KCMF1: variants seen among roughly 807,000 people sequenced by gnomAD.
KCMF1 encodes potassium channel modulatory factor 1, also known as E3 ubiquitin-protein ligase KCMF1.
A neutral mutation model predicts 41.1 loss-of-function variants in KCMF1; 3 were observed. The ratio of observed to expected loss-of-function variants is 0.07; its 90% confidence interval spans 0.03 to 0.19. KCMF1 has a LOEUF of 0.19. KCMF1 is among the 10% of genes least tolerant of loss of function. The pLI, the probability that KCMF1 is intolerant of heterozygous loss-of-function variation, is 1.00. For synonymous variants in KCMF1, 142 were observed against 164.5 expected (o/e 0.86, Z 1.04); for missense variants, 286 against 488.9 (o/e 0.58, Z 3.91).
intron 1 of KCMF1, among the ~76,000 whole-genome samples, chr2:84,994,343 A>G (rs1240915187): frequency 2.6e-5 from 4 of 152,184 alleles, no homozygotes; most frequent in South Asian, 2.1e-4. Flanking sequence ...GTGATGCACT[A>G]CACACACTTG....
intron 1 of KCMF1, among the ~76,000 whole-genome samples, chr2:85,015,621 G>C (rs2104010615): frequency 6.6e-6 from 1 of 152,210 alleles, no homozygotes; most frequent in African/African-American, 2.4e-5. Context: ...AAAACTTTTA[G>C]AAATGAATTA....
chr2:85,030,297 ACTTT>A (rs1430315609), intron 2 of KCMF1, among the ~76,000 whole-genome samples: 2 of 132,048 alleles, frequency 1.5e-5, no homozygotes, highest in East Asian at 4.4e-4. Flanking sequence ...TTGTGTTTTC[ACTTT>A]CTTGGTGGTG....
intron 1 of KCMF1, among the ~76,000 whole-genome samples, chr2:84,972,718 A>C (rs2103954582): frequency 6.6e-6 from 1 of 152,356 alleles, no homozygotes; most frequent in African/African-American, 2.4e-5. Flanking sequence ...AGATTGATTA[A>C]AATTGTATTT....
intron 2 of KCMF1, among the ~76,000 whole-genome samples, chr2:85,031,607 T>C (rs1675269265): frequency 6.6e-6 from 1 of 152,234 alleles, no homozygotes; most frequent in African/African-American, 2.4e-5. Flanking sequence ...GGCTAAGCTA[T>C]GATGTTTGGT....
chr2:85,047,612 AAC>A (rs1289094866), intron 5 of KCMF1, among the ~76,000 whole-genome samples: 2 of 151,758 alleles, frequency 1.3e-5, no homozygotes, highest in African/African-American at 2.4e-5. Flanking sequence ...AAAAAAAAAA[AAC>A]ACAGTTTTTG....
At chr2:85,018,267 ATT>A (rs373718008) in intron 1 of KCMF1, among the ~76,000 whole-genome samples, 307 of 126,866 alleles carry the variant, frequency 2.4e-3, no homozygotes, top group African/African-American at 7.9e-3. Flanking sequence ...ACTAAGCTAG[ATT>A]TTTTTTTTTT....
At chr2:85,051,854 G>A (rs1675815572) in intron 6 of KCMF1, among the ~76,000 whole-genome samples, 1 of 152,188 alleles carries the variant, frequency 6.6e-6, no homozygotes, top group African/African-American at 2.4e-5. Flanking sequence ...AATTTTCAAG[G>A]CAAGGAGAAC....
chr2:85,003,684 G>C (rs1316970489), intron 1 of KCMF1, among the ~76,000 whole-genome samples: 1 of 151,864 alleles, frequency 6.6e-6, no homozygotes, highest in African/African-American at 2.4e-5. Flanking sequence ...AAACTCCTGG[G>C]CTCTAGGAAT....
chr2:85,043,824 A>G (rs563646754), intron 4 of KCMF1, among the ~76,000 whole-genome samples, 159 bp downstream of exon 4: 1 of 152,348 alleles, frequency 6.6e-6, no homozygotes, highest in South Asian at 2.1e-4. Flanking sequence ...AGCTGGGACT[A>G]TAGGCACACA....
chr2:85,044,428 A>G (rs1453529587), intron 4 of KCMF1, among the ~76,000 whole-genome samples: 2 of 151,890 alleles, frequency 1.3e-5, no homozygotes, highest in Admixed American at 6.6e-5. Flanking sequence ...AGGCTGGAGT[A>G]CAATGGTGCT....
intron 1 of KCMF1, among the ~76,000 whole-genome samples, chr2:84,990,423 G>A (rs1041718477): frequency 1.3e-5 from 2 of 152,160 alleles, no homozygotes; most frequent in Admixed American, 1.3e-4. Context: ...TCACTCTGAA[G>A]CTTATATTTT....
intron 1 of KCMF1, among the ~76,000 whole-genome samples, chr2:85,002,645 G>A (rs114209852): frequency 0.015 from 2,307 of 149,862 alleles, 31 homozygotes; most frequent in South Asian, 0.063. Context: ...TCCCTTTTCT[G>A]TGTGGGATCC....
At chr2:84,994,114 AT>A (rs1255913041) in intron 1 of KCMF1, among the ~76,000 whole-genome samples, 1 of 149,854 alleles carries the variant, frequency 6.7e-6, no homozygotes, top group Non-Finnish European at 1.5e-5. Flanking sequence ...TGCCCGGCTA[AT>A]TTTTTTGTAT....
intron 1 of KCMF1, among the ~76,000 whole-genome samples, chr2:84,978,087 T>C (rs897100783): frequency 7.9e-5 from 12 of 151,836 alleles, no homozygotes; most frequent in African/African-American, 2.9e-4. Context: ...AACCTACGCC[T>C]CCCAGGTTCA....
chr2:85,009,971 T>C (rs1408167890), intron 1 of KCMF1, among the ~76,000 whole-genome samples: 1 of 152,220 alleles, frequency 6.6e-6, no homozygotes, highest in Non-Finnish European at 1.5e-5. Flanking sequence ...GCTTTGTAAA[T>C]TGGATTCTTA....
At chr2:84,991,092 G>A (rs75665928) in intron 1 of KCMF1, among the ~76,000 whole-genome samples, 2 of 152,190 alleles carry the variant, frequency 1.3e-5, no homozygotes, top group Non-Finnish European at 2.9e-5. Flanking sequence ...ATGGAGGCAT[G>A]ACAGTGATGA....
At chr2:85,050,228 C>T (rs940877736) in intron 6 of KCMF1, among the ~76,000 whole-genome samples, 2 of 152,120 alleles carry the variant, frequency 1.3e-5, no homozygotes, top group African/African-American at 2.4e-5. Flanking sequence ...ACCCATAAAA[C>T]TTAAACACTA....
chr2:85,056,382 T>G lies in KCMF1; in HGVS notation c.*2973T>G, dbSNP rs547799804. ...TCAAAGGTCACCAAGGCTTTTGTGT[T>G]TTTTTCCGGTCTGTGGGCCACAGTT... On this transcript the variant is annotated 3_prime_UTR_variant, in exon 7 of 7. Coordinates refer to ENST00000409785, the MANE Select transcript of KCMF1 (RefSeq NM_020122.5). The G allele has an allele frequency of 3.3e-5, 5 of 152,126 alleles. No homozygotes were observed. In the East Asian group the frequency reaches 9.8e-4, roughly 30 times the overall value. 9.4% of individuals were successfully genotyped at this position (152,126 alleles called of 1,614,324 possible). A position where few individuals can be genotyped will look rare whatever the true frequency, so the allele number is the denominator to read the frequency against.
chr2:85,047,587 G>C (rs1274009223), intron 5 of KCMF1, among the ~76,000 whole-genome samples: 1 of 143,838 alleles, frequency 7.0e-6, no homozygotes, highest in Non-Finnish European at 1.5e-5. Flanking sequence ...AATAGCTTGG[G>C]AAAAATCTTA....
Sources: gnomAD v4.1 joint callset for allele counts (sites outside exome capture counted in the v4.1 genomes callset) on GRCh38, gnomAD v4.1.1 for gene constraint, MANE v1.5 for transcripts, NCBI Gene and HGNC (gene_info 2026-07-23, HGNC 2026-07-21) for gene names.